The following ANKRD7 variants were observed in gnomAD, a reference collection of about 807,000 sequenced individuals.
ANKRD7 encodes ankyrin repeat domain 7.
A neutral mutation model predicts 30.8 loss-of-function variants in ANKRD7; 30 were observed. The observed-to-expected ratio is 0.97, with a 90% CI of 0.73 to 1.32. The LOEUF (loss-of-function observed/expected upper bound fraction) is 1.32, where lower values mean the gene tolerates loss of function less well. Among genes scored for constraint, ANKRD7 ranks in the 40% most tolerant of loss-of-function variants. The pLI is 0.00. For synonymous variants in ANKRD7, 97 were observed against 106.6 expected (o/e 0.91, Z 0.55); for missense variants, 264 against 295.7 (o/e 0.89, Z 0.79).
intron 5 of ANKRD7, among the ~76,000 whole-genome samples, chr7:118,239,571 T>C (rs1236048154): frequency 1.3e-5 from 2 of 152,118 alleles, no homozygotes; most frequent in African/African-American, 4.8e-5. Flanking sequence ...ATGAGAAAAT[T>C]AGTTTCTGTT....
chr7:118,240,790 A>C (rs1414133946), intron 6 of ANKRD7, among the ~76,000 whole-genome samples: 3 of 152,188 alleles, frequency 2.0e-5, no homozygotes, highest in African/African-American at 7.2e-5. Flanking sequence ...TAAAGAAAGT[A>C]ACAATATTTG....
chr7:118,227,890 A>T, intron 1 of ANKRD7: 1 of 1,336,724 alleles, frequency 7.5e-7, no homozygotes, highest in African/African-American at 1.6e-5. Flanking sequence ...TATTTAGCTT[A>T]TTGATAGTAT....
At chr7:118,225,628 G>A (rs1369677578) in intron 1 of ANKRD7, among the ~76,000 whole-genome samples, 1 of 152,024 alleles carries the variant, frequency 6.6e-6, no homozygotes, top group Non-Finnish European at 1.5e-5. Flanking sequence ...ATCGTCCCCA[G>A]GCACTAAGAT....
intron 1 of ANKRD7, among the ~76,000 whole-genome samples, chr7:118,231,191 C>T (rs1809632840): frequency 6.6e-6 from 1 of 152,046 alleles, no homozygotes; most frequent in Non-Finnish European, 1.5e-5. Flanking sequence ...CTGCAAAGCT[C>T]TGTTGCAGGC....
At chr7:118,228,810 G>A (rs1456718701) in intron 1 of ANKRD7, among the ~76,000 whole-genome samples, 5 of 152,038 alleles carry the variant, frequency 3.3e-5, no homozygotes, top group Non-Finnish European at 7.4e-5. Context: ...TACTACCATA[G>A]TCAAAGCCAC....
intron 1 of ANKRD7, among the ~76,000 whole-genome samples, chr7:118,228,852 C>T (rs1809586393): frequency 6.6e-6 from 1 of 152,170 alleles, no homozygotes; most frequent in South Asian, 2.1e-4. Context: ...ACTACAGTGG[C>T]CACTTAACTA....
chr7:118,232,488 A>T (rs1230508872), intron 1 of ANKRD7, among the ~76,000 whole-genome samples: 5 of 152,108 alleles, frequency 3.3e-5, no homozygotes, highest in African/African-American at 9.7e-5. Flanking sequence ...TGTATTGTTC[A>T]ACACCTCCTT....
rs977480985 is a variant in ANKRD7 at position 118,224,844 on chromosome 7, T to A, written c.14T>A (p.Phe5Tyr). ...GCCTGCACCGCCATGAATAAGCTTT[T>A]CAGCTTCTGGAAGAGGAAGAATGAG... MNKL[F>Y]SFWKRKNETR... The change falls in exon 1 of 7, where the codon TTC becomes TAC. Residue 5 changes from phenylalanine to tyrosine, a missense_variant. Phe to Tyr is a conservative substitution (Grantham distance 22, BLOSUM62 3). Transcript: ENST00000265224. 6.2e-7 allele frequency: 1 copy of A among 1,612,782 alleles called. No individual in the cohort carries two copies. Among genetic ancestry groups the A allele is most frequent in the Non-Finnish European group, 8.5e-7 (1 of 1,179,660 alleles).
chr7:118,227,105 G>C (rs1809556056), intron 1 of ANKRD7, among the ~76,000 whole-genome samples: 1 of 151,800 alleles, frequency 6.6e-6, no homozygotes, highest in East Asian at 1.9e-4. Flanking sequence ...CTTTGATACT[G>C]ATGTGCTTTG....
intron 1 of ANKRD7, among the ~76,000 whole-genome samples, chr7:118,231,279 A>G (rs967708245): frequency 6.6e-6 from 1 of 152,094 alleles, no homozygotes; most frequent in Non-Finnish European, 1.5e-5. Flanking sequence ...TTTCAAGAGC[A>G]GTGTGCCTAA....
intron 6 of ANKRD7, among the ~76,000 whole-genome samples, chr7:118,240,363 C>T (rs1365089040): frequency 2.0e-5 from 3 of 151,908 alleles, no homozygotes; most frequent in African/African-American, 4.8e-5. Flanking sequence ...CTTCCTGTGT[C>T]CATGTGATCT....
At position 118,234,470 on chromosome 7, in the gene ANKRD7, T is replaced by A. The variant is rs953473527; in HGVS notation, c.219T>A (p.Asp73Glu). 3 of 1,613,016 alleles carry A rather than the reference T, an allele frequency of 1.9e-6. No individual in the cohort carries two copies. The highest frequency in any genetic ancestry group is 2.5e-6 in the Non-Finnish European group (3 of 1,179,622). ...TAGCCTGTGCTAATGGACATACAGA[T>A]GTTGTACTTTTCCTAATTGAGCAAC... The part of the protein sequence containing the change: ...LHLACANGHT[D>E]VVLFLIEQQC... The change falls in exon 2 of 7, where the codon GAT becomes GAA. Residue 73 changes from aspartate (D) to glutamate (E), a missense_variant. Transcript: ENST00000265224.
chr7:118,230,973 A>G (rs1330493744), intron 1 of ANKRD7, among the ~76,000 whole-genome samples: 2 of 152,042 alleles, frequency 1.3e-5, no homozygotes, highest in African/African-American at 4.8e-5. Flanking sequence ...TGAAAATTGG[A>G]ATTTCTGGTA....
intron 1 of ANKRD7, among the ~76,000 whole-genome samples, chr7:118,231,638 C>T (rs920282950): frequency 6.6e-6 from 1 of 152,108 alleles, no homozygotes; most frequent in African/African-American, 2.4e-5. Flanking sequence ...CTCTGTCTAG[C>T]AGATAACACT....
intron 6 of ANKRD7, among the ~76,000 whole-genome samples, chr7:118,241,894 C>CT (rs1809854245): frequency 6.6e-6 from 1 of 152,112 alleles, no homozygotes; most frequent in African/African-American, 2.4e-5. Context: ...ACCTCTCTCT[C>CT]TCTTTTAAAT....
intron 1 of ANKRD7, among the ~76,000 whole-genome samples, chr7:118,226,782 A>G (rs886459960): frequency 1.3e-5 from 2 of 152,172 alleles, no homozygotes. Context: ...TTTAGGCTAC[A>G]TGTTTCATCT....
rs1047335301 is a variant in ANKRD7 at position 118,234,494 on chromosome 7, A to G, written c.243A>G (p.Gln81=). 1 of 1,613,344 alleles carries G rather than the reference A, an allele frequency of 6.2e-7. No individual in the cohort carries two copies. The highest frequency in any genetic ancestry group is 8.5e-7 in the Non-Finnish European group (1 of 1,179,716). The change falls in exon 2 of 7, where the codon CAA becomes CAG. Residue 81 remains glutamine, a synonymous_variant. Coordinates refer to ENST00000265224, the MANE Select transcript of ANKRD7 (RefSeq NM_019644.4). ...HTDVVLFLIE[Q]QCKINVRDSE... is the part of the protein sequence containing the mutation. ...ATGTTGTACTTTTCCTAATTGAGCA[A>G]CAATGCAAAATAAATGTCCGGGATA...
chr7:118,234,791 C>T lies in ANKRD7; in HGVS notation c.385C>T (p.Leu129Phe). 6.2e-7 allele frequency: 1 copy of T among 1,613,060 alleles called. No homozygotes were observed. The highest frequency in any genetic ancestry group is 2.2e-5 in the East Asian group (1 of 44,770). ...DLRDIRYNTVLHYAVCGQSLS... is the reference protein window; with the variant it reads ...DLRDIRYNTVFHYAVCGQSLS... The stretch of plus-strand genomic sequence containing the variant: ...GAGGGATATTCGTTATAATACTGTT[C>T]TTCACTATGCTGTTTGTGGTCAAAG... Residue 129 changes from leucine (L) to phenylalanine (F), a missense_variant, in exon 3 of 7, where the codon CTT becomes TTT. Coordinates refer to ENST00000265224, the MANE Select transcript of ANKRD7 (RefSeq NM_019644.4).
intron 6 of ANKRD7, 24 bp downstream of exon 6, chr7:118,240,022 G>C: frequency 7.6e-7 from 1 of 1,319,960 alleles, no homozygotes. Flanking sequence ...CTGGATTAGT[G>C]TTTTTTTCTT....
Sources: gnomAD v4.1 joint callset for allele counts (sites outside exome capture counted in the v4.1 genomes callset) on GRCh38, gnomAD v4.1.1 for gene constraint, MANE v1.5 for transcripts, NCBI Gene and HGNC (gene_info 2026-07-23, HGNC 2026-07-21) for gene names.